KIAA0586: variants seen among roughly 807,000 people sequenced by gnomAD.
The protein encoded by KIAA0586 is KIAA0586.
Under a neutral mutation model 169.8 loss-of-function variants are expected in KIAA0586, and 144 were observed. The ratio of observed to expected loss-of-function variants is 0.85; its 90% CI spans 0.74 to 0.97. KIAA0586 has a LOEUF of 0.97. Among genes scored for constraint, KIAA0586 ranks in the 50% least tolerant of loss-of-function variants. KIAA0586 has a pLI of 0.00. For missense variants in KIAA0586, 1,854 were observed against 1,823.0 expected (o/e 1.02, Z -0.31); for synonymous variants, 625 against 612.4 (o/e 1.02, Z -0.30).
intron 27 of KIAA0586, among the ~76,000 whole-genome samples, chr14:58,499,769 G>C (rs2141321500): frequency 6.6e-6 from 1 of 151,808 alleles, no homozygotes; most frequent in African/African-American, 2.4e-5. Flanking sequence ...ATGTTGGCCA[G>C]GCTGGTCTCG....
rs368574051 is a variant in KIAA0586 at position 58,448,344 on chromosome 14, A to G, written c.812A>G (p.His271Arg). Residue 271 changes from histidine (H) to arginine (R), a missense_variant, in exon 7 of 31, where the codon CAT becomes CGT. By Grantham distance (29) the His-to-Arg change is conservative (BLOSUM62 0). Coordinates refer to ENST00000652326, the MANE Select transcript of KIAA0586 (RefSeq NM_001329943.3). ...AAATAATCTTATTTCTTCTAGACTCATTTTATTAGTGCTGCACTCAAGACT... is the reference window on the plus strand; with the variant it reads ...AAATAATCTTATTTCTTCTAGACTCGTTTTATTAGTGCTGCACTCAAGACT... ...LQQQQIDIQT[H>R]FISAALKTSS... 1.1e-5 allele frequency: 17 copies of G among 1,555,240 alleles called. No individual in the cohort carries two copies. The African/African-American group carries it at 1.6e-4, about 15-fold the overall frequency.
intron 21 of KIAA0586, among the ~76,000 whole-genome samples, chr14:58,484,909 T>TATATTTATATATATA (rs1566877131): frequency 3.4e-5 from 1 of 29,786 alleles, no homozygotes; most frequent in Non-Finnish European, 6.9e-5. Context: ...TATATATATA[T>TATATTTATATATATA]ATATATATAT....
chr14:58,492,261 G>A lies in KIAA0586; in HGVS notation c.3976G>A (p.Val1326Ile). The A allele has an allele frequency of 1.3e-6, 2 of 1,549,978 alleles. No individual in the cohort carries two copies. Among genetic ancestry groups the A allele is most frequent in the Non-Finnish European group, 1.7e-6 (2 of 1,146,588 alleles). The change falls in exon 26 of 31, where the codon GTC becomes ATC. Residue 1326 changes from valine to isoleucine, a missense_variant. Physicochemically the swap from Val to Ile is conservative, Grantham distance 29. Transcript: ENST00000652326. ...GGAGTCAGCAGTTTCCCAGCAAGCA[G>A]TCTATCATTCAGAGGTACTTTTTAA... ...NQESAVSQQA[V>I]YHSEDLENSV...
chr14:58,548,083 G>T lies in KIAA0586; in HGVS notation c.*151G>T, dbSNP rs2140158368. 3.3e-6 allele frequency: 3 copies of T among 901,494 alleles called. No individual in the cohort carries two copies. The highest frequency in any genetic ancestry group is 2.1e-5 in the South Asian group (1 of 46,854). 55.8% of individuals were successfully genotyped at this position (901,494 alleles called of 1,614,324 possible). ...AAAATAAAACAAAAAGCATAATTTG[G>T]GTATTTAAAGTTTTTAAATAAAATA... is the stretch of plus-strand genomic sequence containing the variant. On this transcript the variant is annotated 3_prime_UTR_variant, in exon 31 of 31. Coordinates refer to ENST00000652326, the MANE Select transcript of KIAA0586 (RefSeq NM_001329943.3).
intron 20 of KIAA0586, among the ~76,000 whole-genome samples, chr14:58,478,822 A>C (rs1334583606): frequency 6.6e-6 from 1 of 152,214 alleles, no homozygotes; most frequent in East Asian, 1.9e-4. Context: ...AATTTCATAC[A>C]TATGTAATCA....
chr14:58,477,014 T>C, intron 19 of KIAA0586, 109 bp from the exon 20 acceptor site: 1 of 583,920 alleles, frequency 1.7e-6, no homozygotes, highest in Non-Finnish European at 3.1e-6. Flanking sequence ...CACACCAACA[T>C]GTTTGTGGCA....
downstream of KIAA0586, among the ~76,000 whole-genome samples, chr14:58,555,987 T>C (rs1251480048): frequency 6.6e-6 from 1 of 152,252 alleles, no homozygotes; most frequent in Non-Finnish European, 1.5e-5. Context: ...AGTTTCTAAC[T>C]TAACTGACAC....
intron 13 of KIAA0586, 38 bp downstream of exon 13, chr14:58,460,108 G>C (rs1345452926): frequency 1.7e-6 from 2 of 1,173,806 alleles, no homozygotes; most frequent in Non-Finnish European, 2.4e-6. Context: ...TAATTGTTGT[G>C]TTATAATTGA....
chr14:58,505,775 T>C (rs2043895355), intron 27 of KIAA0586, among the ~76,000 whole-genome samples: 1 of 152,216 alleles, frequency 6.6e-6, no homozygotes, highest in African/African-American at 2.4e-5. Context: ...TCTCAGTTTT[T>C]CTTGTTAGTT....
chr14:58,557,682 G>A, the KIAA0586 span, among the ~76,000 whole-genome samples: 2 of 152,048 alleles, frequency 1.3e-5, no homozygotes, highest in African/African-American at 4.8e-5. Flanking sequence ...TTTGTTCAGA[G>A]AGCCAATACA....
chr14:58,457,034 C>T (rs2039922940), intron 10 of KIAA0586, among the ~76,000 whole-genome samples: 1 of 152,162 alleles, frequency 6.6e-6, no homozygotes, highest in South Asian at 2.1e-4. Context: ...CCACCTCTGG[C>T]TTCCCAGCTT....
At position 58,521,481 on chromosome 14, in the gene KIAA0586, T is replaced by C. The variant is rs989388897; in HGVS notation, c.4429+8854T>C. The C allele has an allele frequency of 6.6e-5, 50 of 758,866 alleles. No individual in the cohort carries two copies. The African/African-American group carries it at 8.3e-4, about 13-fold the overall frequency. The allele number at this position is 758,866 out of a possible 1,614,324, so 47.0% of individuals were successfully genotyped here. ...ACCATGACTTTCAACGGGATTATTATGATAGGATGTACAGTTACCCAGCAC... is the reference window on the plus strand; with the variant it reads ...ACCATGACTTTCAACGGGATTATTACGATAGGATGTACAGTTACCCAGCAC... On this transcript the variant is annotated intron_variant, in intron 29 of 30. Coordinates refer to ENST00000652326, the MANE Select transcript of KIAA0586 (RefSeq NM_001329943.3).
intron 25 of KIAA0586, among the ~76,000 whole-genome samples, chr14:58,491,848 T>C (rs1195573532): frequency 6.6e-6 from 1 of 152,234 alleles, no homozygotes; most frequent in Non-Finnish European, 1.5e-5. Flanking sequence ...TATAAAACAT[T>C]TATGATTCAT....
At chr14:58,487,193 T>G (rs757527694) in intron 22 of KIAA0586, 27 bp downstream of exon 22, 1 of 1,577,568 alleles carries the variant, frequency 6.3e-7, no homozygotes, top group Non-Finnish European at 8.6e-7. Flanking sequence ...TATAACTCGG[T>G]TTTAATTTTA....
chr14:58,539,475 G>A (rs966696594), intron 29 of KIAA0586, among the ~76,000 whole-genome samples: 1 of 152,082 alleles, frequency 6.6e-6, no homozygotes, highest in Non-Finnish European at 1.5e-5. Flanking sequence ...TGTCTTGTTG[G>A]CCTGAGACCT....
chr14:58,466,780 G>T (rs1160290574), intron 15 of KIAA0586, among the ~76,000 whole-genome samples: 1 of 152,136 alleles, frequency 6.6e-6, no homozygotes, highest in Non-Finnish European at 1.5e-5. Flanking sequence ...AATTCAATAA[G>T]TTTGATTATC....
chr14:58,550,721 C>A lies in KIAA0586; in HGVS notation c.*2789C>A, dbSNP rs1457663601. ...TGGTTGCACACACCTGTAGCCCCAG[C>A]TACTCAAGAGGGTGAGGTGAGAGGA... On this transcript the variant is annotated 3_prime_UTR_variant, in exon 31 of 31. Coordinates refer to ENST00000652326, the MANE Select transcript of KIAA0586 (RefSeq NM_001329943.3). 1 of 151,654 alleles carries A rather than the reference C, an allele frequency of 6.6e-6. No homozygotes were observed. The highest frequency in any genetic ancestry group is 1.5e-5 in the Non-Finnish European group (1 of 68,016). 9.4% of individuals were successfully genotyped at this position (151,654 alleles called of 1,614,324 possible).
At position 58,453,010 on chromosome 14, in the gene KIAA0586, C is replaced by T. The variant is rs1436073007; in HGVS notation, c.1130-340C>T. 2.0e-5 allele frequency among the ~76,000 whole-genome samples: 3 copies of T among 151,792 alleles called. No individual in the cohort carries two copies. In the East Asian group the frequency reaches 5.8e-4, roughly 29 times the overall value. On this transcript the variant is annotated intron_variant, in intron 8 of 30. Coordinates refer to ENST00000652326, the MANE Select transcript of KIAA0586 (RefSeq NM_001329943.3). ...TTGGCTTGTTGCAACCTCCGTGTCC[C>T]AGGTTCAAGCAATTCTCCTGCCTCA...
chr14:58,451,074 C>T (rs534124675), intron 8 of KIAA0586, among the ~76,000 whole-genome samples: 29 of 150,444 alleles, frequency 1.9e-4, no homozygotes, highest in African/African-American at 5.9e-4. Flanking sequence ...CTGCAAGCTC[C>T]GCCTCCCGGG....
Sources: gnomAD v4.1 joint callset for allele counts (sites outside exome capture counted in the v4.1 genomes callset) on GRCh38, gnomAD v4.1.1 for gene constraint, MANE v1.5 for transcripts, NCBI Gene and HGNC (gene_info 2026-07-23, HGNC 2026-07-21) for gene names.